The following TRMT11 variants were observed in gnomAD, a reference collection of about 807,000 sequenced individuals.
TRMT11 encodes tRNA (guanine(10)-N(2))-methyltransferase TRMT11.
Under a neutral mutation model 62.8 loss-of-function variants are expected in TRMT11, and 53 were observed. The ratio of observed to expected loss-of-function variants is 0.84; its 90% CI spans 0.68 to 1.06. The LOEUF is 1.06. TRMT11 is among the 50% of genes least tolerant of loss of function. The pLI is 0.00. For missense variants in TRMT11, 556 were observed against 553.4 expected (o/e 1.00, Z -0.05); for synonymous variants, 188 against 190.3 (o/e 0.99, Z 0.10).
At chr6:126,125,387 G>A (rs1210581365) in intron 21 of TRMT11, among the ~76,000 whole-genome samples, 1 of 151,152 alleles carries the variant, frequency 6.6e-6, no homozygotes, top group Non-Finnish European at 1.5e-5. Flanking sequence ...TTTTTCACTT[G>A]TAAATGTTCA....
chr6:126,209,966 C>T, the TRMT11 span, among the ~76,000 whole-genome samples: 2 of 152,130 alleles, frequency 1.3e-5, no homozygotes, highest in Non-Finnish European at 2.9e-5. Flanking sequence ...TCTAAGATAC[C>T]TCACTTTGTG....
intron 17 of TRMT11, among the ~76,000 whole-genome samples, chr6:126,077,981 A>T (rs1351187691): frequency 6.6e-6 from 1 of 152,190 alleles, no homozygotes; most frequent in African/African-American, 2.4e-5. Context: ...CTTAGTTTCA[A>T]GACAGACTGG....
the TRMT11 span, among the ~76,000 whole-genome samples, chr6:126,262,925 A>G: frequency 3.3e-5 from 5 of 150,246 alleles, no homozygotes; most frequent in Non-Finnish European, 5.9e-5. Context: ...TAGTCAAAAC[A>G]TTTTTATTTA....
chr6:126,175,261 C>A (rs1268872844), upstream of TRMT11, among the ~76,000 whole-genome samples: 1 of 152,138 alleles, frequency 6.6e-6, no homozygotes, highest in Non-Finnish European at 1.5e-5. Context: ...ATAGCTTGAT[C>A]TACTTTGAGA....
At chr6:126,193,490 A>T (rs867114767) in intron 1 of TRMT11, among the ~76,000 whole-genome samples, 3,732 of 72,492 alleles carry the variant, frequency 0.051, 213 homozygotes, top group African/African-American at 0.19. Flanking sequence ...GCGTTTCTGT[A>T]TTTTTTTTTT....
the TRMT11 span, among the ~76,000 whole-genome samples, chr6:126,229,551 T>C: frequency 5.3e-5 from 8 of 152,358 alleles, no homozygotes; most frequent in South Asian, 8.3e-4. Flanking sequence ...ACAACTCTTT[T>C]AGGAAAGTGG....
chr6:126,070,060 A>G (rs1307195451), intron 17 of TRMT11, among the ~76,000 whole-genome samples: 1 of 152,118 alleles, frequency 6.6e-6, no homozygotes, highest in Non-Finnish European at 1.5e-5. Flanking sequence ...CAAACATACA[A>G]ATGACACATT....
intron 21 of TRMT11, among the ~76,000 whole-genome samples, chr6:126,133,749 G>T (rs781521703): frequency 2.0e-5 from 3 of 151,992 alleles, no homozygotes; most frequent in Non-Finnish European, 2.9e-5. Flanking sequence ...CAATGTCCCT[G>T]AAGAGTTGGG....
At chr6:126,183,775 C>T (rs915672548) in intron 1 of TRMT11, among the ~76,000 whole-genome samples, 21 of 138,752 alleles carry the variant, frequency 1.5e-4, no homozygotes, top group African/African-American at 5.3e-4. Flanking sequence ...TATAGATTAA[C>T]TGTTAGCACT....
intron 17 of TRMT11, among the ~76,000 whole-genome samples, chr6:126,087,829 A>G (rs2128163755): frequency 6.6e-6 from 1 of 152,340 alleles, no homozygotes; most frequent in African/African-American, 2.4e-5. Context: ...TGTTTCTGCA[A>G]ATCCTACCAC....
chr6:126,088,979 G>T (rs892303760), intron 17 of TRMT11, among the ~76,000 whole-genome samples: 1 of 152,114 alleles, frequency 6.6e-6, no homozygotes, highest in African/African-American at 2.4e-5. Context: ...CAATTATTTG[G>T]ATAATTGCAT....
the TRMT11 span, among the ~76,000 whole-genome samples, chr6:126,252,451 T>C: frequency 6.6e-6 from 1 of 152,208 alleles, no homozygotes; most frequent in Non-Finnish European, 1.5e-5. Flanking sequence ...GCAGGGTCTC[T>C]TATTATCTAG....
intron 3 of TRMT11, among the ~76,000 whole-genome samples, chr6:126,200,496 G>A (rs2128252394): frequency 6.6e-6 from 1 of 152,298 alleles, no homozygotes; most frequent in East Asian, 1.9e-4. Flanking sequence ...TAAGCAACGT[G>A]TGATAAAATA....
the TRMT11 span, among the ~76,000 whole-genome samples, chr6:126,266,819 A>G: frequency 3.9e-5 from 6 of 152,172 alleles, no homozygotes; most frequent in East Asian, 1.2e-3. Flanking sequence ...TTTTACAATG[A>G]CTGCCTGTCA....
chr6:126,152,562 T>C (rs1470795783), intron 21 of TRMT11, among the ~76,000 whole-genome samples: 1 of 152,104 alleles, frequency 6.6e-6, no homozygotes, highest in East Asian at 1.9e-4. Flanking sequence ...ATGCCTCAGG[T>C]CAAAGAAGAC....
the TRMT11 span, among the ~76,000 whole-genome samples, chr6:126,248,903 C>G: frequency 6.6e-6 from 1 of 152,066 alleles, no homozygotes; most frequent in Non-Finnish European, 1.5e-5. Context: ...ATTTTTACAT[C>G]GAAAGAAATC....
intron 21 of TRMT11, among the ~76,000 whole-genome samples, chr6:126,116,129 CT>C (rs1266376712): frequency 6.6e-6 from 1 of 151,464 alleles, no homozygotes; most frequent in East Asian, 1.9e-4. Flanking sequence ...CTCAAAATGC[CT>C]TCTCATTTAA....
intron 17 of TRMT11, among the ~76,000 whole-genome samples, chr6:126,057,460 A>G (rs931101474): frequency 3.3e-5 from 5 of 152,214 alleles, no homozygotes; most frequent in African/African-American, 1.2e-4. Context: ...GTCTAGAGAA[A>G]CTTCAAGTAC....
chr6:126,261,958 A>G, the TRMT11 span, among the ~76,000 whole-genome samples: 2 of 152,062 alleles, frequency 1.3e-5, no homozygotes, highest in African/African-American at 4.8e-5. Flanking sequence ...GGGGTGGGCC[A>G]CTCTCAGACA....
Sources: allele counts gnomAD v4.1 joint callset (sites outside exome capture counted in the v4.1 genomes callset), GRCh38; gene constraint gnomAD v4.1.1; transcripts MANE v1.5; gene names NCBI Gene and HGNC (gene_info 2026-07-23, HGNC 2026-07-21).